Variants in DHRSX observed in about 807,000 individuals in gnomAD.
DHRSX encodes dehydrogenase/reductase X-linked, also known as polyprenol dehydrogenase.
DHRSX carries 31 observed loss-of-function variants against 34.0 expected under a neutral mutation model. The ratio of observed to expected loss-of-function variants is 0.91; its 90% CI spans 0.69 to 1.23. DHRSX has a LOEUF of 1.23. Ranked by LOEUF, DHRSX falls within the 50% of genes most tolerant of loss-of-function variation. DHRSX has a pLI of 0.00. For synonymous variants in DHRSX, 201 were observed against 183.8 expected (o/e 1.09, Z -0.76); for missense variants, 414 against 428.1 (o/e 0.97, Z 0.29).
intron 1 of DHRSX, among the ~76,000 whole-genome samples, chrX:2,471,832 A>C (rs897614690): frequency 3.3e-5 from 5 of 152,110 alleles, no homozygotes; most frequent in Admixed American, 3.3e-4. Context: ...TACACTATGG[A>C]ATACTACATA....
intron 3 of DHRSX, among the ~76,000 whole-genome samples, chrX:2,379,412 G>T (rs1272700153): frequency 6.6e-6 from 1 of 151,896 alleles, no homozygotes; most frequent in Non-Finnish European, 1.5e-5. Flanking sequence ...ACAAACGAAG[G>T]GTTAATTAAT....
chrX:2,269,576 G>A (rs1040092537), intron 4 of DHRSX, among the ~76,000 whole-genome samples: 19 of 151,978 alleles, frequency 1.3e-4, no homozygotes, highest in African/African-American at 2.2e-4. Context: ...CGCTCTTGTC[G>A]TCCAGGCTGG....
chrX:2,237,586 A>G (rs934565311), intron 6 of DHRSX, among the ~76,000 whole-genome samples: 1 of 151,416 alleles, frequency 6.6e-6, no homozygotes, highest in African/African-American at 2.4e-5. Context: ...GCTCACCACA[A>G]TTTCCGCCCC....
chrX:2,230,627 T>G (rs971713204), intron 6 of DHRSX, among the ~76,000 whole-genome samples: 30 of 152,156 alleles, frequency 2.0e-4, no homozygotes, highest in African/African-American at 6.3e-4. Context: ...GAGAGGACGC[T>G]TCACAATGTG....
At chrX:2,389,577 GGTACTTTTATCCACTCATGA>G (rs2043311739) in intron 3 of DHRSX, among the ~76,000 whole-genome samples, 1 of 151,936 alleles carries the variant, frequency 6.6e-6, no homozygotes, top group Non-Finnish European at 1.5e-5. Flanking sequence ...CTAAAACATG[GGTACTTTTATCCACTCATGA>G]GTGTATGATC....
intron 4 of DHRSX, among the ~76,000 whole-genome samples, chrX:2,282,630 A>AG (rs2041725568): frequency 1.6e-5 from 1 of 61,554 alleles, no homozygotes; most frequent in Non-Finnish European, 3.8e-5. Context: ...GGGAGAGAAG[A>AG]AGGGAAAGGG....
chrX:2,373,028 C>CT (rs2043095711), intron 3 of DHRSX, among the ~76,000 whole-genome samples: 2 of 152,170 alleles, frequency 1.3e-5, no homozygotes, highest in South Asian at 4.1e-4. Flanking sequence ...AGAAAAAGAG[C>CT]TTTAATGGAC....
At chrX:2,240,513 C>T (rs917935575) in intron 6 of DHRSX, among the ~76,000 whole-genome samples, 11 of 151,386 alleles carry the variant, frequency 7.3e-5, no homozygotes, top group Non-Finnish European at 1.3e-4. Context: ...AATTTGTAAC[C>T]AAGCTCATTA....
At chrX:2,491,514 C>A (rs2045145526) in intron 1 of DHRSX, among the ~76,000 whole-genome samples, 1 of 152,310 alleles carries the variant, frequency 6.6e-6, no homozygotes, top group Non-Finnish European at 1.5e-5. Context: ...AGACCCCCCA[C>A]TGCCAACCAT....
At chrX:2,390,414 G>A (rs1370874555) in intron 3 of DHRSX, among the ~76,000 whole-genome samples, 22 of 150,368 alleles carry the variant, frequency 1.5e-4, no homozygotes, top group South Asian at 2.1e-4. Context: ...CTGGGATTAC[G>A]GGCATGAGTC....
chrX:2,431,597 C>A (rs1245182641), intron 1 of DHRSX, among the ~76,000 whole-genome samples: 1 of 152,106 alleles, frequency 6.6e-6, no homozygotes, highest in East Asian at 1.9e-4. Flanking sequence ...GAAATCATGT[C>A]CTTTGCAGCA....
intron 3 of DHRSX, among the ~76,000 whole-genome samples, chrX:2,397,402 G>A (rs1472467189): frequency 6.6e-6 from 1 of 152,158 alleles, no homozygotes. Flanking sequence ...CCAAAGTGCT[G>A]GAATTCCAAG....
At chrX:2,425,155 A>AC (rs1556514932) in intron 2 of DHRSX, 42 bp downstream of exon 2, 6 of 1,510,872 alleles carry the variant, frequency 4.0e-6, no homozygotes, top group East Asian at 2.3e-5. Flanking sequence ...AAAAAAAAAA[A>AC]CCGAAAAAAC....
At chrX:2,485,648 G>A (rs1306578147) in intron 1 of DHRSX, among the ~76,000 whole-genome samples, 2 of 84,594 alleles carry the variant, frequency 2.4e-5, no homozygotes, top group African/African-American at 1.2e-4. Context: ...AGGGAAGGAG[G>A]GAGGGAGGGA....
intron 5 of DHRSX, among the ~76,000 whole-genome samples, chrX:2,264,500 A>G (rs181296474): frequency 0.029 from 4,360 of 148,468 alleles, 235 homozygotes; most frequent in African/African-American, 0.1. Flanking sequence ...ACCTGTGTCC[A>G]GCAGACTCAG....
chrX:2,273,365 A>G (rs945437589), intron 4 of DHRSX, among the ~76,000 whole-genome samples: 1 of 152,178 alleles, frequency 6.6e-6, no homozygotes. Context: ...CTACTAAGCC[A>G]TTAAAAAGAG....
intron 2 of DHRSX, among the ~76,000 whole-genome samples, chrX:2,412,723 G>T (rs1252679527): frequency 1.3e-5 from 2 of 152,084 alleles, no homozygotes; most frequent in Non-Finnish European, 2.9e-5. Flanking sequence ...TAAAATGTGG[G>T]ATAGCTACAC....
chrX:2,313,983 A>C (rs932287381), intron 3 of DHRSX, among the ~76,000 whole-genome samples: 1 of 151,930 alleles, frequency 6.6e-6, no homozygotes, highest in African/African-American at 2.4e-5. Context: ...ACCTGGAATC[A>C]ACAGAAAGGA....
chrX:2,408,646 C>T lies in DHRSX; in HGVS notation c.286+99G>A. 3 of 1,060,822 alleles carry T rather than the reference C, an allele frequency of 2.8e-6. No individual in the cohort carries two copies. In the East Asian group the frequency reaches 7.5e-5, roughly 26 times the overall value. The allele number at this position is 1,060,822 out of a possible 1,614,324, so 65.7% of individuals were successfully genotyped here. ...AATCAGAGCCATCTCTCCCAAATGC[C>T]ACCTGGCACGTGACTGAAGCTCAGC... On this transcript the variant is annotated intron_variant, in intron 3 of 6. Transcript: ENST00000334651.
Sources: allele counts gnomAD v4.1 joint callset (sites outside exome capture counted in the v4.1 genomes callset), GRCh38; gene constraint gnomAD v4.1.1; transcripts MANE v1.5; gene names NCBI Gene and HGNC (gene_info 2026-07-23, HGNC 2026-07-21).